Variants in MCMBP observed in about 807,000 individuals in gnomAD.
MCMBP encodes the protein mini-chromosome maintenance complex-binding protein.
In MCMBP, 31 loss-of-function variants were observed where a neutral mutation model predicts 81.3. The observed-to-expected ratio is 0.38, with a 90% CI of 0.29 to 0.51. The LOEUF (loss-of-function observed/expected upper bound fraction) is 0.51. Ranked by LOEUF, MCMBP falls within the 20% of genes least tolerant of loss-of-function variation. The probability of loss-of-function intolerance (pLI) is 0.87; values close to 1 mark genes in which losing one functional copy is unlikely to be tolerated. For missense variants in MCMBP, 645 were observed against 772.1 expected (o/e 0.84, Z 1.95); for synonymous variants, 267 against 275.9 (o/e 0.97, Z 0.32).
chr10:119,841,370 G>A (rs1280778949), intron 10 of MCMBP, among the ~76,000 whole-genome samples: 1 of 152,190 alleles, frequency 6.6e-6, no homozygotes, highest in Non-Finnish European at 1.5e-5. Context: ...TACTGTCACA[G>A]ACTGATTTGA....
At chr10:119,849,919 G>A (rs1852749279) in intron 6 of MCMBP, among the ~76,000 whole-genome samples, 1 of 152,086 alleles carries the variant, frequency 6.6e-6, no homozygotes. Flanking sequence ...ATGGTCTACC[G>A]ACAGCAAAAC....
At chr10:119,869,891 G>C (rs1006980228) in intron 1 of MCMBP, among the ~76,000 whole-genome samples, 2 of 152,196 alleles carry the variant, frequency 1.3e-5, no homozygotes, top group African/African-American at 4.8e-5. Flanking sequence ...GCTGTACAGA[G>C]AACTTCCTGA....
chr10:119,836,820 C>T (rs1174838522), intron 13 of MCMBP, 76 bp downstream of exon 13: 9 of 563,458 alleles, frequency 1.6e-5, no homozygotes, highest in South Asian at 6.0e-5. Context: ...TATTAATAAG[C>T]GGTACCAAGA....
intron 1 of MCMBP, among the ~76,000 whole-genome samples, chr10:119,869,309 C>T (rs920271839): frequency 5.3e-5 from 8 of 152,162 alleles, no homozygotes; most frequent in African/African-American, 1.9e-4. Flanking sequence ...TGTGGTGGCT[C>T]ACGCCTACAA....
At position 119,840,962 on chromosome 10, in the gene MCMBP, T is replaced by C. The variant is rs775585169; in HGVS notation, c.1125-2A>G. On this transcript the variant is annotated splice_acceptor_variant, in intron 10 of 15. Transcript: ENST00000369077. LOFTEE classifies it high-confidence loss of function. ...GGAAGGACATCTCTTCTTGTATATC[T>C]AGAAAAGAAAGAAATCAATCAATAA... 1 of 1,537,962 alleles carries C rather than the reference T, an allele frequency of 6.5e-7. No homozygotes were observed. The highest frequency in any genetic ancestry group is 9.0e-7 in the Non-Finnish European group (1 of 1,116,924).
intron 6 of MCMBP, among the ~76,000 whole-genome samples, chr10:119,851,158 G>A (rs935522136): frequency 5.3e-5 from 8 of 152,020 alleles, no homozygotes; most frequent in African/African-American, 1.2e-4. Flanking sequence ...GTGAGCCACC[G>A]CAACCAGCCT....
chr10:119,852,909 C>T, intron 6 of MCMBP, 141 bp downstream of exon 6: 1 of 992,284 alleles, frequency 1.0e-6, no homozygotes, highest in Non-Finnish European at 1.5e-6. Flanking sequence ...CATCAGAGTA[C>T]TGTAAAAACT....
rs1852734533 is a variant in MCMBP at position 119,849,551 on chromosome 10, A to G, written c.600T>C (p.Cys200=). 6.2e-7 allele frequency: 1 copy of G among 1,603,252 alleles called. No homozygotes were observed. The highest frequency in any genetic ancestry group is 1.1e-5 in the South Asian group (1 of 89,114). Residue 200 remains cysteine, a synonymous_variant, in exon 7 of 16, where the codon TGT becomes TGC. Coordinates refer to ENST00000369077, the MANE Select transcript of MCMBP (RefSeq NM_001256378.2). ...QAGSVGGLQW[C]GEPKRLETEA... is the part of the protein sequence containing the mutation. ...CAGTTTCTAAACGTTTTGGCTCTCCACACCATTGAAGACCACCAACACTCC... is the reference window on the plus strand; with the variant it reads ...CAGTTTCTAAACGTTTTGGCTCTCCGCACCATTGAAGACCACCAACACTCC...
chr10:119,873,114 A>G (rs370209341), upstream of MCMBP, among the ~76,000 whole-genome samples: 5 of 152,104 alleles, frequency 3.3e-5, no homozygotes, highest in African/African-American at 1.2e-4. Flanking sequence ...TAGTGGGCTT[A>G]TAAGAGGGCA....
chr10:119,848,614 AAAAC>A (rs1264383337), intron 7 of MCMBP, among the ~76,000 whole-genome samples: 2 of 152,298 alleles, frequency 1.3e-5, no homozygotes, highest in Non-Finnish European at 2.9e-5. Flanking sequence ...CTGCCTCAAA[AAAAC>A]AAACAAAAAA....
chr10:119,829,772 A>T lies in MCMBP; in HGVS notation c.*1702T>A, dbSNP rs1388780056. 1 of 152,130 alleles carries T rather than the reference A, an allele frequency of 6.6e-6. No individual in the cohort carries two copies. Among genetic ancestry groups the T allele is most frequent in the African/African-American group, 2.4e-5 (1 of 41,430 alleles). 9.4% of individuals were successfully genotyped at this position (152,130 alleles called of 1,614,324 possible). A position where few individuals can be genotyped will look rare whatever the true frequency, so the allele number is the denominator to read the frequency against. On this transcript the variant is annotated 3_prime_UTR_variant, in exon 16 of 16. Coordinates refer to ENST00000369077, the MANE Select transcript of MCMBP (RefSeq NM_001256378.2). ...CATGGGATGGTGAATCTTCTTACTC[A>T]TGAAAAACAGCCCAAGGTACTGCTA...
At chr10:119,873,267 A>G (rs1280995161), upstream of MCMBP, among the ~76,000 whole-genome samples, 3 of 152,020 alleles carry the variant, frequency 2.0e-5, no homozygotes, top group Non-Finnish European at 2.9e-5. Flanking sequence ...TGATGGCAGC[A>G]CTTTTATTTG....
At chr10:119,843,452 T>C (rs1438650507) in intron 8 of MCMBP, 26 bp from the exon 9 acceptor site, 2 of 1,601,330 alleles carry the variant, frequency 1.2e-6, no homozygotes, top group Non-Finnish European at 1.7e-6. Context: ...AAAGTTTCAA[T>C]TTAGAGAGAC....
intron 4 of MCMBP, 39 bp from the exon 5 acceptor site, chr10:119,857,478 T>C: frequency 7.2e-7 from 1 of 1,393,236 alleles, no homozygotes; most frequent in Non-Finnish European, 9.9e-7. Flanking sequence ...AAATTTACTT[T>C]AAAAAACCCA....
intron 1 of MCMBP, among the ~76,000 whole-genome samples, chr10:119,868,229 C>G (rs916701539): frequency 6.6e-6 from 1 of 152,154 alleles, no homozygotes; most frequent in Admixed American, 6.5e-5. Flanking sequence ...AGTTCAAGAC[C>G]AGCCTGGCCA....
At chr10:119,866,637 A>C (rs936962550) in intron 1 of MCMBP, among the ~76,000 whole-genome samples, 1 of 151,730 alleles carries the variant, frequency 6.6e-6, no homozygotes, top group African/African-American at 2.4e-5. Flanking sequence ...AAAAAAAGAG[A>C]AAAAGATAGT....
At chr10:119,854,563 A>T (rs1852957447) in intron 5 of MCMBP, among the ~76,000 whole-genome samples, 1 of 150,938 alleles carries the variant, frequency 6.6e-6, no homozygotes, top group Non-Finnish European at 1.5e-5. Flanking sequence ...AAATAAATAA[A>T]TAAATAAATA....
Position 119,831,518 on chromosome 10 carries a change from T to G in MCMBP, c.1879A>C (p.Thr627Pro). ...ACACATTTTTGCTGCTGAAGCCTCG[T>G]TCTTCTTAAAGACTCTAGCTGCTTT... ...RAKQLESLRR[T>P]RLQQQKCVNG... Residue 627 changes from threonine to proline, a missense_variant, in exon 16 of 16, where the codon ACG becomes CCG. Coordinates refer to ENST00000369077, the MANE Select transcript of MCMBP (RefSeq NM_001256378.2). The G allele has an allele frequency of 6.2e-7, 1 of 1,614,094 alleles. No individual in the cohort carries two copies. The highest frequency in any genetic ancestry group is 8.5e-7 in the Non-Finnish European group (1 of 1,179,954).
At chr10:119,846,297 C>T (rs1852618566) in intron 8 of MCMBP, among the ~76,000 whole-genome samples, 1 of 152,130 alleles carries the variant, frequency 6.6e-6, no homozygotes, top group African/African-American at 2.4e-5. Context: ...TGAATAAAAT[C>T]AGAATCTATT....
Sources: gnomAD v4.1 joint callset for allele counts (sites outside exome capture counted in the v4.1 genomes callset) on GRCh38, gnomAD v4.1.1 for gene constraint, MANE v1.5 for transcripts, NCBI Gene and HGNC (gene_info 2026-07-23, HGNC 2026-07-21) for gene names.